The following GULP1 variants were observed in gnomAD, a reference collection of about 807,000 sequenced individuals.
GULP1 encodes the protein PTB domain-containing engulfment adapter protein 1.
Under a neutral mutation model 40.9 loss-of-function variants are expected in GULP1, and 19 were observed. The ratio of observed to expected loss-of-function variants is 0.46; its 90% CI spans 0.32 to 0.68. The LOEUF (loss-of-function observed/expected upper bound fraction) is 0.68. Ranked by LOEUF, GULP1 falls within the 30% of genes least tolerant of loss-of-function variation. GULP1 has a pLI of 0.03. For missense variants in GULP1, 312 were observed against 362.2 expected, an observed-to-expected ratio of 0.86 and a Z score of 1.12; for synonymous variants, 119 against 117.6, an observed-to-expected ratio of 1.01 and a Z score of -0.08.
chr2:188,422,914 C>A (rs993102260), intron 2 of GULP1, among the ~76,000 whole-genome samples: 1 of 152,098 alleles, frequency 6.6e-6, no homozygotes, highest in African/African-American at 2.4e-5. Flanking sequence ...CTATTTAATT[C>A]TCTGCTCTTT....
chr2:188,541,585 G>A (rs1236862716), intron 7 of GULP1: 6 of 557,424 alleles, frequency 1.1e-5, no homozygotes. Context: ...CTTATGTTAT[G>A]CATGTATTTT....
intron 4 of GULP1, among the ~76,000 whole-genome samples, chr2:188,484,107 C>T (rs866126737): frequency 2.0e-5 from 3 of 152,006 alleles, no homozygotes; most frequent in South Asian, 2.1e-4. Flanking sequence ...GGGGTTTCAC[C>T]GTGTTGCCCA....
intron 1 of GULP1, among the ~76,000 whole-genome samples, chr2:188,359,225 T>C (rs1354444432): frequency 6.6e-6 from 1 of 152,158 alleles, no homozygotes; most frequent in Non-Finnish European, 1.5e-5. Flanking sequence ...TAATTTATTC[T>C]TTCAAAAGAT....
intron 6 of GULP1, among the ~76,000 whole-genome samples, chr2:188,530,372 A>G (rs1423920435): frequency 6.6e-6 from 1 of 152,220 alleles, no homozygotes; most frequent in Non-Finnish European, 1.5e-5. Context: ...CAAATAAAAT[A>G]TTTAAAAATA....
chr2:188,499,681 T>C (rs1162635184), intron 4 of GULP1, among the ~76,000 whole-genome samples: 2 of 151,844 alleles, frequency 1.3e-5, no homozygotes, highest in African/African-American at 4.8e-5. Flanking sequence ...TAATGTTCTT[T>C]TCAAATCTTA....
At chr2:188,432,482 A>G (rs77394978) in intron 2 of GULP1, among the ~76,000 whole-genome samples, 356 of 152,080 alleles carry the variant, frequency 2.3e-3, no homozygotes, top group African/African-American at 7.5e-3. Context: ...TTGTTTTGCC[A>G]ATAACTCAGG....
intron 1 of GULP1, among the ~76,000 whole-genome samples, chr2:188,308,335 C>A (rs950171003): frequency 2.6e-5 from 4 of 152,092 alleles, no homozygotes; most frequent in African/African-American, 9.7e-5. Context: ...TGTAAATGTA[C>A]ATGGGAAAGT....
chr2:188,297,381 A>G (rs2035196236), intron 1 of GULP1: 6 of 428,932 alleles, frequency 1.4e-5, no homozygotes, highest in South Asian at 1.0e-4. Context: ...GATACTACTG[A>G]TAAGTTTATC....
chr2:188,377,995 T>G (rs1388997175), intron 1 of GULP1, among the ~76,000 whole-genome samples: 2 of 152,120 alleles, frequency 1.3e-5, no homozygotes, highest in African/African-American at 2.4e-5. Context: ...ATTTCCATTC[T>G]CCCTTGTCTC....
intron 10 of GULP1, among the ~76,000 whole-genome samples, chr2:188,586,173 G>C (rs1280155708): frequency 6.6e-6 from 1 of 152,084 alleles, no homozygotes; most frequent in Non-Finnish European, 1.5e-5. Flanking sequence ...GTAACACCTT[G>C]ATAGATTTTT....
chr2:188,471,729 A>G (rs1453755453), intron 2 of GULP1, among the ~76,000 whole-genome samples: 1 of 152,146 alleles, frequency 6.6e-6, no homozygotes, highest in Admixed American at 6.5e-5. Context: ...TTATTGTACT[A>G]TGTCCAGAAA....
At chr2:188,437,394 A>G (rs555811471) in intron 2 of GULP1, among the ~76,000 whole-genome samples, 1 of 152,212 alleles carries the variant, frequency 6.6e-6, no homozygotes, top group South Asian at 2.1e-4. Flanking sequence ...GTGAAAAAGC[A>G]TTTCTTTTCC....
intron 2 of GULP1, among the ~76,000 whole-genome samples, chr2:188,445,490 A>G (rs966185982): frequency 2.0e-5 from 3 of 152,272 alleles, no homozygotes; most frequent in Non-Finnish European, 4.4e-5. Context: ...ATAAAAATAA[A>G]TATTTTTGAA....
At chr2:188,446,306 A>T (rs988415975) in intron 2 of GULP1, among the ~76,000 whole-genome samples, 5 of 152,150 alleles carry the variant, frequency 3.3e-5, no homozygotes, top group African/African-American at 1.2e-4. Context: ...AGTGTCCTGG[A>T]TAATAGCTAT....
At chr2:188,329,276 C>T (rs1412606485) in intron 1 of GULP1, among the ~76,000 whole-genome samples, 1 of 152,044 alleles carries the variant, frequency 6.6e-6, no homozygotes. Flanking sequence ...CTCTTGTACC[C>T]TTGTAAACAG....
At chr2:188,354,276 T>C (rs1273292858) in intron 1 of GULP1, among the ~76,000 whole-genome samples, 1 of 152,098 alleles carries the variant, frequency 6.6e-6, no homozygotes, top group South Asian at 2.1e-4. Context: ...CTGAGCCCTG[T>C]TGGGTCTGGT....
chr2:188,322,723 G>T (rs1360363722), intron 1 of GULP1, among the ~76,000 whole-genome samples: 1 of 152,132 alleles, frequency 6.6e-6, no homozygotes, highest in African/African-American at 2.4e-5. Context: ...ACATTTATTT[G>T]AAGTTGTAGA....
chr2:188,524,539 GTAATGATTCA>G (rs140299841), intron 5 of GULP1, among the ~76,000 whole-genome samples: 3,185 of 151,448 alleles, frequency 0.021, 100 homozygotes, highest in African/African-American at 0.073. Flanking sequence ...ATATCTAAGG[GTAATGATTCA>G]TACACTAATG....
intron 2 of GULP1, among the ~76,000 whole-genome samples, chr2:188,454,254 G>A (rs2059074675): frequency 6.6e-6 from 1 of 152,176 alleles, no homozygotes; most frequent in African/African-American, 2.4e-5. Context: ...AGGGGATGTG[G>A]GAGTGTTCCC....
Sources: allele counts gnomAD v4.1 joint callset (sites outside exome capture counted in the v4.1 genomes callset), GRCh38; gene constraint gnomAD v4.1.1; transcripts MANE v1.5; gene names NCBI Gene and HGNC (gene_info 2026-07-23, HGNC 2026-07-21).